The following PLEKHA4 variants were observed in gnomAD, a reference collection of about 807,000 sequenced individuals.
PLEKHA4 encodes pleckstrin homology domain-containing family A member 4.
A neutral mutation model predicts 94.7 loss-of-function variants in PLEKHA4; 73 were observed. That is an observed-to-expected ratio of 0.77 (90% CI 0.64 to 0.94). PLEKHA4 has a LOEUF of 0.94. Ranked by LOEUF, PLEKHA4 falls within the 40% of genes least tolerant of loss-of-function variation. The probability of loss-of-function intolerance (pLI) is 0.00; values close to 1 mark genes in which losing one functional copy is unlikely to be tolerated. For synonymous variants in PLEKHA4, 449 were observed against 437.1 expected (o/e 1.03, Z -0.34); for missense variants, 1,049 against 1,054.1 (o/e 1.00, Z 0.07).
chr19:48,846,229 G>A (rs1000213220), intron 14 of PLEKHA4, among the ~76,000 whole-genome samples: 2 of 151,650 alleles, frequency 1.3e-5, no homozygotes, highest in African/African-American at 2.4e-5. Context: ...CGAGGCAGGC[G>A]GATCACAAGG....
At position 48,845,240 on chromosome 19, in the gene PLEKHA4, T is replaced by G. The variant is rs909201602; in HGVS notation, c.1743+130A>C. Reference sequence around the variant, plus strand: ...CGACAGAGACAAAAATCAATCTCAATGCTCTTAACAAGCAGTGCTCTCTCT... The same window carrying G: ...CGACAGAGACAAAAATCAATCTCAAGGCTCTTAACAAGCAGTGCTCTCTCT... On this transcript the variant is annotated intron_variant, in intron 16 of 19. Transcript: ENST00000263265. 10 of 851,648 alleles carry G rather than the reference T, an allele frequency of 1.2e-5. No homozygotes were observed. The African/African-American group carries it at 1.7e-4, about 14-fold the overall frequency. 52.8% of individuals were successfully genotyped at this position (851,648 alleles called of 1,614,324 possible).
chr19:48,839,112 C>G (rs940540451), intron 18 of PLEKHA4, 93 bp downstream of exon 18: 116 of 830,776 alleles, frequency 1.4e-4, no homozygotes, highest in Non-Finnish European at 2.1e-4. Flanking sequence ...ATTTGTACTT[C>G]CATATTCAGG....
At chr19:48,860,862 GAAAGGAAAGGAA>G (rs1183704274) in intron 5 of PLEKHA4, among the ~76,000 whole-genome samples, 10 of 151,182 alleles carry the variant, frequency 6.6e-5, no homozygotes, top group South Asian at 6.3e-4. Flanking sequence ...AAAAAAAAAG[GAAAGGAAAGGAA>G]AAAGGAAAGG....
chr19:48,865,725 C>A, intron 2 of PLEKHA4, 115 bp from the exon 3 acceptor site: 1 of 669,524 alleles, frequency 1.5e-6, no homozygotes, highest in South Asian at 1.9e-5. Context: ...AGAAATGGGT[C>A]AAGGACCAGC....
chr19:48,861,545 G>A (rs1384726346), intron 4 of PLEKHA4, 44 bp from the exon 5 acceptor site: 2 of 1,612,780 alleles, frequency 1.2e-6, no homozygotes, highest in South Asian at 2.2e-5. Flanking sequence ...GGGATCAGAA[G>A]GCCAAGATGC....
chr19:48,852,988 A>T (rs189155621), intron 12 of PLEKHA4, among the ~76,000 whole-genome samples: 2 of 152,278 alleles, frequency 1.3e-5, no homozygotes, highest in Non-Finnish European at 2.9e-5. Context: ...TTCCTTGCCA[A>T]TACCAACAAT....
Position 48,837,642 on chromosome 19 carries a change from G to A in PLEKHA4, c.2078-91C>T, listed in dbSNP as rs1599856083. On this transcript the variant is annotated intron_variant, in intron 19 of 19. Coordinates refer to ENST00000263265, the MANE Select transcript of PLEKHA4 (RefSeq NM_020904.3). The surrounding 1 kb of genome is among the most constrained non-coding windows in gnomAD (Gnocchi z 4.3). ...CTCCTCCCTCAGACCCAGGACTCCG[G>A]ATTCCCAGCCCCTCCTCCATCAGAC... 2.7e-6 allele frequency: 4 copies of A among 1,480,146 alleles called. No individual in the cohort carries two copies. In the East Asian group the frequency reaches 9.6e-5, roughly 35 times the overall value. 91.7% of individuals were successfully genotyped at this position (1,480,146 alleles called of 1,614,324 possible). A position where few individuals can be genotyped will look rare whatever the true frequency, so the allele number is the denominator to read the frequency against.
rs146597170 is a variant in PLEKHA4 at position 48,848,563 on chromosome 19, C to T, written c.1426-523G>A. 9.3e-5 allele frequency among the ~76,000 whole-genome samples: 14 copies of T among 150,642 alleles called. No homozygotes were observed. The East Asian group carries it at 2.2e-3, about 23-fold the overall frequency. ...ATCCCAGCATTTTGGGAAGCCGAGG[C>T]GGGTGGATCACCAGAGGTCAGAAGT... is the stretch of plus-strand genomic sequence containing the variant. On this transcript the variant is annotated intron_variant, in intron 13 of 19. Coordinates refer to ENST00000263265, the MANE Select transcript of PLEKHA4 (RefSeq NM_020904.3).
chr19:48,858,304 A>G (rs890113709), intron 8 of PLEKHA4, among the ~76,000 whole-genome samples: 3 of 152,246 alleles, frequency 2.0e-5, no homozygotes, highest in Admixed American at 2.0e-4. Flanking sequence ...AGTATCCAGG[A>G]CTACAATCCC....
intron 8 of PLEKHA4, among the ~76,000 whole-genome samples, chr19:48,857,833 A>G (rs1263229061): frequency 6.6e-6 from 1 of 151,142 alleles, no homozygotes; most frequent in African/African-American, 2.4e-5. Context: ...TCACTTGTTT[A>G]TCTGCTGACC....
chr19:48,867,394 G>T lies in PLEKHA4; in HGVS notation c.84+143C>A. On this transcript the variant is annotated intron_variant, in intron 2 of 19. Coordinates refer to ENST00000263265, the MANE Select transcript of PLEKHA4 (RefSeq NM_020904.3). The surrounding 1 kb of genome is among the most constrained non-coding windows in gnomAD (Gnocchi z 4.7). ...GCCTCTGAATTCCTAGCTGCGGTGTGTAGGCAATTTGGGACCTTACTATGT... is the reference window on the plus strand; with the variant it reads ...GCCTCTGAATTCCTAGCTGCGGTGTTTAGGCAATTTGGGACCTTACTATGT... 1.1e-6 allele frequency: 1 copy of T among 880,504 alleles called. No individual in the cohort carries two copies. The highest frequency in any genetic ancestry group is 1.7e-6 in the Non-Finnish European group (1 of 578,830). 54.5% of individuals were successfully genotyped at this position (880,504 alleles called of 1,614,324 possible).
intron 13 of PLEKHA4, among the ~76,000 whole-genome samples, chr19:48,850,277 G>T (rs1001499311): frequency 1.2e-4 from 18 of 150,372 alleles, no homozygotes; most frequent in African/African-American, 4.4e-4. Flanking sequence ...AGGCCGAGGC[G>T]GGTGGATCAT....
rs559319473 is a variant in PLEKHA4 at position 48,839,828 on chromosome 19, G to A, written c.1906-565C>T. ...ATAAAAGTCTAAGGGGCCGGGTCTG[G>A]TGGCTCACACCTGTAATCCCAGCAC... On this transcript the variant is annotated intron_variant, in intron 17 of 19. Transcript: ENST00000263265. 1.1e-3 allele frequency among the ~76,000 whole-genome samples: 163 copies of A among 152,062 alleles called. 1 individual carries two copies. Among genetic ancestry groups the A allele is most frequent in the African/African-American group, 3.9e-3 (161 of 41,496 alleles).
At chr19:48,843,472 C>T (rs1043907803) in intron 16 of PLEKHA4, among the ~76,000 whole-genome samples, 9 of 151,600 alleles carry the variant, frequency 5.9e-5, no homozygotes, top group Non-Finnish European at 7.4e-5. Context: ...AGCCACCGCA[C>T]GCGGTCTTTT....
chr19:48,837,288 A>T lies in PLEKHA4; in HGVS notation c.*1T>A, dbSNP rs768608842. The T allele has an allele frequency of 1.9e-6, 3 of 1,613,870 alleles. No individual in the cohort carries two copies. On this transcript the variant is annotated 3_prime_UTR_variant, in exon 20 of 20. Coordinates refer to ENST00000263265, the MANE Select transcript of PLEKHA4 (RefSeq NM_020904.3). The surrounding 1 kb of genome is among the most constrained non-coding windows in gnomAD (Gnocchi z 4.3). ...CCGATTGGCTGCCGCTTTTGGGCGG[A>T]TTAGAAGCTGGATTGTAGCAGAGTG...
chr19:48,860,534 T>G, intron 5 of PLEKHA4, 75 bp from the exon 6 acceptor site: 1 of 1,169,272 alleles, frequency 8.6e-7, no homozygotes, highest in South Asian at 1.3e-5. Flanking sequence ...CGGTGACTCA[T>G]TCCAGTAAAC....
rs1295609991 is a variant in PLEKHA4, at chr19:48,838,467, A to G, written c.1965-338T>C. Among the ~76,000 whole-genome samples the G allele has an allele frequency of 4.1e-4, 62 of 150,884 alleles. 2 individuals carry two copies. In the East Asian group the frequency reaches 6.2e-3, roughly 15 times the overall value. On this transcript the variant is annotated intron_variant, in intron 18 of 19. Coordinates refer to ENST00000263265, the MANE Select transcript of PLEKHA4 (RefSeq NM_020904.3). ...CCAACAAAAATTAAAAATTAAAAAA[A>G]AAAAAAAAAAAGCAGGCCAGGTGCG...
Position 48,845,391 on chromosome 19 carries a change from A to G in PLEKHA4, c.1722T>C (p.Pro574=), listed in dbSNP as rs2035926965. ...TTACCTTGGTTCCTAGCTGTGGGGAAGGGAGGTGGCGACCCTCAGGGCTGG... is the reference window on the plus strand; with the variant it reads ...TTACCTTGGTTCCTAGCTGTGGGGAGGGGAGGTGGCGACCCTCAGGGCTGG... ...RASSPEGRHL[P]SPQLGTKAPV... The change falls in exon 16 of 20, where the codon CCT becomes CCC. Residue 574 remains proline (P), a synonymous_variant. Transcript: ENST00000263265. The G allele has an allele frequency of 6.2e-7, 1 of 1,613,134 alleles. No homozygotes were observed. Among genetic ancestry groups the G allele is most frequent in the African/African-American group, 1.3e-5 (1 of 74,902 alleles).
chr19:48,859,384 A>G, intron 7 of PLEKHA4, 85 bp downstream of exon 7: 1 of 1,424,578 alleles, frequency 7.0e-7, no homozygotes, highest in Non-Finnish European at 9.6e-7. Flanking sequence ...ACACTCAAGC[A>G]GAAAGCGCTA....
Sources: gnomAD v4.1 joint callset for allele counts (sites outside exome capture counted in the v4.1 genomes callset) on GRCh38, gnomAD v4.1.1 for gene constraint, Gnocchi (gnomAD v3.1) non-coding constraint, MANE v1.5 for transcripts, NCBI Gene and HGNC (gene_info 2026-07-23, HGNC 2026-07-21) for gene names.